The following LOXL3 variants were observed in gnomAD, a reference collection of about 807,000 sequenced individuals.
LOXL3 encodes the protein lysyl oxidase like 3.
LOXL3 carries 60 observed loss-of-function variants against 91.8 expected under a neutral mutation model. The ratio of observed to expected loss-of-function variants is 0.65; its 90% CI spans 0.53 to 0.81. The LOEUF is 0.81. LOXL3 is among the 30% of genes least tolerant of loss of function. The pLI, the probability that LOXL3 is intolerant of heterozygous loss-of-function variation, is 0.00. For missense variants in LOXL3, 874 were observed against 1,000.4 expected, an observed-to-expected ratio of 0.87 and a Z score of 1.70; for synonymous variants, 355 against 387.6, an observed-to-expected ratio of 0.92 and a Z score of 0.99.
At chr2:74,555,440 G>A (rs1197389580), upstream of LOXL3, 3 of 1,609,294 alleles carry the variant, frequency 1.9e-6, no homozygotes, top group Admixed American at 1.7e-5. The surrounding 1 kb of genome is among the most constrained non-coding windows in gnomAD (Gnocchi z 6.1). Context: ...ACGCTGTGCC[G>A]AAACGCCTTT....
chr2:74,551,851 A>G (rs918764371), intron 2 of LOXL3, among the ~76,000 whole-genome samples: 1 of 152,220 alleles, frequency 6.6e-6, no homozygotes, highest in African/African-American at 2.4e-5. Context: ...CCTAGATTTT[A>G]TACTTGTCCT....
Position 74,533,157 on chromosome 2 carries a change from A to T in LOXL3, c.*449T>A. Reference sequence around the variant, plus strand: ...ATCACAGAAACACTTTTTATATAAAATAAAATTATACCTAGCAACATATTA... The same window carrying T: ...ATCACAGAAACACTTTTTATATAAATTAAAATTATACCTAGCAACATATTA... On this transcript the variant is annotated 3_prime_UTR_variant, in exon 14 of 14. Coordinates refer to ENST00000264094, the MANE Select transcript of LOXL3 (RefSeq NM_032603.5). 3.2e-6 allele frequency: 2 copies of T among 622,476 alleles called. No individual in the cohort carries two copies. Among genetic ancestry groups the T allele is most frequent in the South Asian group, 3.9e-5 (2 of 51,164 alleles). 38.6% of individuals were successfully genotyped at this position (622,476 alleles called of 1,614,324 possible).
chr2:74,535,172 C>T lies in LOXL3; in HGVS notation c.1579+120G>A, dbSNP rs559751564. 82 of 1,182,464 alleles carry T rather than the reference C, an allele frequency of 6.9e-5. No homozygotes were observed. The highest frequency in any genetic ancestry group is 2.3e-4 in the East Asian group (9 of 39,690). The allele number at this position is 1,182,464 out of a possible 1,614,324, so 73.2% of individuals were successfully genotyped here. ...GATTACAGGCGTGAGCCACTGCACC[C>T]GGCGAAACTGGCTCTTTTATGGGGA... is the stretch of plus-strand genomic sequence containing the variant. On this transcript the variant is annotated intron_variant, in intron 9 of 13. Transcript: ENST00000264094. This position sits in a 1 kb window ranked among gnomAD's most constrained non-coding sequence, Gnocchi z 4.2.
intron 4 of LOXL3, among the ~76,000 whole-genome samples, chr2:74,542,907 G>A (rs1288091150): frequency 1.3e-5 from 2 of 152,042 alleles, no homozygotes; most frequent in East Asian, 1.9e-4. Context: ...TTACAGGTGT[G>A]AGCCACCATG....
At chr2:74,555,343 C>A (rs1426248219), upstream of LOXL3, 2 of 1,613,774 alleles carry the variant, frequency 1.2e-6, no homozygotes, top group Admixed American at 1.7e-5. The surrounding 1 kb of genome is among the most constrained non-coding windows in gnomAD (Gnocchi z 6.1). Context: ...CCCCCCTGAG[C>A]CCGGCGCCAC....
chr2:74,554,394 GCCC>G, upstream of LOXL3: 1 of 263,956 alleles, frequency 3.8e-6, no homozygotes, highest in South Asian at 5.6e-5. The surrounding 1 kb of genome is among the most constrained non-coding windows in gnomAD (Gnocchi z 4.9). Context: ...TCTCTCCGGT[GCCC>G]GGGGCGCTTT....
chr2:74,549,173 G>A lies in LOXL3; in HGVS notation c.692+196C>T. On this transcript the variant is annotated intron_variant, in intron 4 of 13. Coordinates refer to ENST00000264094, the MANE Select transcript of LOXL3 (RefSeq NM_032603.5). This position sits in a 1 kb window ranked among gnomAD's most constrained non-coding sequence, Gnocchi z 5.3. Reference sequence around the variant, plus strand: ...GGAGCCTCGCTGGTCCCCATTTCAGGTACTCCCTTGGGGCACCTTTCGTGG... The same window carrying A: ...GGAGCCTCGCTGGTCCCCATTTCAGATACTCCCTTGGGGCACCTTTCGTGG... 1 of 509,874 alleles carries A rather than the reference G, an allele frequency of 2.0e-6. No homozygotes were observed. Among genetic ancestry groups the A allele is most frequent in the South Asian group, 4.2e-5 (1 of 23,604 alleles). The allele number at this position is 509,874 out of a possible 1,614,324, so 31.6% of individuals were successfully genotyped here.
intron 4 of LOXL3, among the ~76,000 whole-genome samples, chr2:74,537,674 CT>C (rs1676104475): frequency 6.6e-6 from 1 of 152,200 alleles, no homozygotes. Flanking sequence ...GCAGTCCATG[CT>C]TCTGCAATTT....
chr2:74,544,079 G>A (rs1450306587), intron 4 of LOXL3, among the ~76,000 whole-genome samples: 1 of 151,494 alleles, frequency 6.6e-6, no homozygotes, highest in African/African-American at 2.4e-5. Context: ...CGAGGTAGGC[G>A]GATCACCTGA....
In LOXL3 at chr2:74,535,401, C is replaced by T; in HGVS notation, c.1470G>A (p.Val490=). The T allele has an allele frequency of 6.2e-7, 1 of 1,614,120 alleles. No individual in the cohort carries two copies. Among genetic ancestry groups the T allele is most frequent in the South Asian group, 1.1e-5 (1 of 91,088 alleles). The change falls in exon 9 of 14, where the codon GTG becomes GTA. Residue 490 remains valine, a synonymous_variant. Transcript: ENST00000264094. The surrounding 1 kb of genome is among the most constrained non-coding windows in gnomAD (Gnocchi z 4.2). ...GNITEVVMSG[V]RCTGTELSLD... ...GGGACAGCTCAGTCCCTGTGCAGCG[C>T]ACTCCACTCATCACCACCTCTGTTA...
intron 1 of LOXL3, chr2:74,552,895 G>T: frequency 2.2e-6 from 1 of 453,148 alleles, no homozygotes; most frequent in South Asian, 4.5e-5. Context: ...ATGAGAGATC[G>T]AGAGTCAGAG....
rs371202558 is a variant in LOXL3 at position 74,536,939 on chromosome 2, A to G, written c.693-11T>C. The G allele has an allele frequency of 1.7e-5, 27 of 1,612,310 alleles. No homozygotes were observed. In the African/African-American group the frequency reaches 3.1e-4, roughly 18 times the overall value. On this transcript the variant is annotated splice_polypyrimidine_tract_variant and intron_variant, in intron 4 of 13. Coordinates refer to ENST00000264094, the MANE Select transcript of LOXL3 (RefSeq NM_032603.5). This position sits in a 1 kb window ranked among gnomAD's most constrained non-coding sequence, Gnocchi z 4.5. Reference sequence around the variant, plus strand: ...CGTTGGGCTAGCAGCCTAGGGGGACAGGAGTGAGGTGCAGTAGGGTAAAAC... The same window carrying G: ...CGTTGGGCTAGCAGCCTAGGGGGACGGGAGTGAGGTGCAGTAGGGTAAAAC...
At chr2:74,541,971 T>G (rs181544154) in intron 4 of LOXL3, among the ~76,000 whole-genome samples, 7 of 152,028 alleles carry the variant, frequency 4.6e-5, no homozygotes, top group African/African-American at 1.7e-4. Context: ...CACCTACCAT[T>G]TGTTCCTTCC....
At chr2:74,555,294 G>T (rs781220354), upstream of LOXL3, 2 of 1,614,132 alleles carry the variant, frequency 1.2e-6, no homozygotes, top group Non-Finnish European at 8.5e-7. This position sits in a 1 kb window ranked among gnomAD's most constrained non-coding sequence, Gnocchi z 6.1. Context: ...TGATCCGTCT[G>T]GCTGAGTGTG....
intron 4 of LOXL3, among the ~76,000 whole-genome samples, chr2:74,546,959 G>A (rs184336598): frequency 1.5e-4 from 23 of 151,920 alleles, no homozygotes; most frequent in East Asian, 3.9e-4. Context: ...CAGGTGATCC[G>A]CGCCTCGACC....
rs1360057071 is a variant in LOXL3 at position 74,552,446 on chromosome 2, A to C, written c.189T>G (p.Ala63=). The C allele has an allele frequency of 6.2e-7, 1 of 1,613,864 alleles. No homozygotes were observed. Among genetic ancestry groups the C allele is most frequent in the South Asian group, 1.1e-5 (1 of 91,084 alleles). ...CATCGCAGATGGTGCCCCATTCACC[A>C]GCTCGCTGTATCTCCACGCGGCCCT... ...PYEGRVEIQR[A]GEWGTICDDD... Residue 63 remains alanine (A), a synonymous_variant, in exon 2 of 14, where the codon GCT becomes GCG. Transcript: ENST00000264094.
Position 74,532,448 on chromosome 2 carries a change from A to C in LOXL3, c.*1158T>G, listed in dbSNP as rs967545111. ...CATGTGGTGTACATCTTTTATGTAC[A>C]TGTTGCACTTTATTGCTAGAAGACA... On this transcript the variant is annotated 3_prime_UTR_variant, in exon 14 of 14. Transcript: ENST00000264094. 3 of 671,244 alleles carry C rather than the reference A, an allele frequency of 4.5e-6. No homozygotes were observed. In the African/African-American group the frequency reaches 5.3e-5, roughly 12 times the overall value. The allele number at this position is 671,244 out of a possible 1,614,324, so 41.6% of individuals were successfully genotyped here.
intron 3 of LOXL3, 88 bp downstream of exon 3, chr2:74,550,097 A>G: frequency 6.7e-7 from 1 of 1,503,344 alleles, no homozygotes; most frequent in Middle Eastern, 1.8e-4. Context: ...CCCCAGGGGT[A>G]ACTACCTTCT....
Position 74,535,290 on chromosome 2 carries a change from ACT to A in LOXL3, c.1579_1579+1del. Reference sequence around the variant, plus strand: ...GCATGCATCACCCCCTCCTTCACTCACTCTCAGAACAGATGACTCCAGCAGTG... The same window carrying A: ...GCATGCATCACCCCCTCCTTCACTCACTCAGAACAGATGACTCCAGCAGTG... On this transcript the variant is annotated splice_donor_variant and coding_sequence_variant, in exon 9 of 14. Transcript: ENST00000264094. LOFTEE classifies it high-confidence loss of function. This position sits in a 1 kb window ranked among gnomAD's most constrained non-coding sequence, Gnocchi z 4.2. 6.2e-7 allele frequency: 1 copy of A among 1,606,022 alleles called. No homozygotes were observed. The highest frequency in any genetic ancestry group is 8.5e-7 in the Non-Finnish European group (1 of 1,175,280).
Sources: gnomAD v4.1 joint callset for allele counts (sites outside exome capture counted in the v4.1 genomes callset) on GRCh38, gnomAD v4.1.1 for gene constraint, Gnocchi (gnomAD v3.1) non-coding constraint, MANE v1.5 for transcripts, NCBI Gene and HGNC (gene_info 2026-07-23, HGNC 2026-07-21) for gene names.